PRDM15: variants seen among roughly 807,000 people sequenced by gnomAD.
PRDM15 encodes the protein PR domain zinc finger protein 15.
In PRDM15, 64 loss-of-function variants were observed where a neutral mutation model predicts 128.6. The observed-to-expected ratio is 0.50, with a 90% confidence interval of 0.41 to 0.61. The LOEUF is 0.61. Among genes scored for constraint, PRDM15 ranks in the 20% least tolerant of loss-of-function variants. PRDM15 has a pLI of 0.00. For missense variants in PRDM15, 1,242 were observed against 1,569.1 expected, an observed-to-expected ratio of 0.79 and a Z score of 3.52; for synonymous variants, 615 against 621.8, an observed-to-expected ratio of 0.99 and a Z score of 0.16.
intron 10 of PRDM15, 99 bp from the exon 11 acceptor site, chr21:41,835,623 G>T: frequency 2.3e-6 from 2 of 864,586 alleles, no homozygotes; most frequent in Non-Finnish European, 3.8e-6. Context: ...GCCTGTGTCT[G>T]TTATGACTCT....
chr21:41,859,760 A>C lies in PRDM15; in HGVS notation c.38-75T>G. 8.0e-7 allele frequency: 1 copy of C among 1,248,264 alleles called. No individual in the cohort carries two copies. The highest frequency in any genetic ancestry group is 1.2e-6 in the Non-Finnish European group (1 of 867,636). 77.3% of individuals were successfully genotyped at this position (1,248,264 alleles called of 1,614,324 possible). A position where few individuals can be genotyped will look rare whatever the true frequency, so the allele number is the denominator to read the frequency against. ...AAGAACACAAACCTGGGAAATGGGG[A>C]CCCTGGCCCCATGAGGGTGACCCAG... On this transcript the variant is annotated intron_variant, in intron 2 of 23. Coordinates refer to ENST00000398548, the MANE Select transcript of PRDM15 (RefSeq NM_001040424.3). The surrounding 1 kb of genome is among the most constrained non-coding windows in gnomAD (Gnocchi z 5.3).
rs1568880598 is a variant in PRDM15 at position 41,806,105 on chromosome 21, TCACCACCACCACCAC to T, written c.2653-1506_2653-1492del. 9.3e-4 allele frequency among the ~76,000 whole-genome samples: 5 copies of T among 5,390 alleles called. No homozygotes were observed. The Admixed American group carries it at 9.5e-3, about 10-fold the overall frequency. 3.5% of individuals were successfully genotyped at this position (5,390 alleles called of 152,430 possible). ...ACCACCACCACCATCACCACCACCA[TCACCACCACCACCAC>T]CACCATCACCACCACCATCACCACC... On this transcript the variant is annotated intron_variant, in intron 21 of 23. Transcript: ENST00000398548.
Position 41,800,030 on chromosome 21 carries a change from A to G in PRDM15, c.*1210T>C, listed in dbSNP as rs1381718314. The G allele has an allele frequency of 1.3e-5, 2 of 152,202 alleles. No homozygotes were observed. Among genetic ancestry groups the G allele is most frequent in the Non-Finnish European group, 2.9e-5 (2 of 68,036 alleles). 9.4% of individuals were successfully genotyped at this position (152,202 alleles called of 1,614,324 possible). On this transcript the variant is annotated 3_prime_UTR_variant, in exon 24 of 24. Transcript: ENST00000398548. ...GCACATTCAGTTTTAGGGGCAATTA[A>G]TGCTTCTATTAGTGAACTAACCTCT...
chr21:41,871,392 C>T, intron 1 of PRDM15: 1 of 1,045,510 alleles, frequency 9.6e-7, no homozygotes, highest in Non-Finnish European at 1.3e-6. Flanking sequence ...TGGGGTCACC[C>T]TCTCTGTCAC....
chr21:41,868,705 T>TTG (rs2064105736), intron 1 of PRDM15, among the ~76,000 whole-genome samples: 1 of 149,164 alleles, frequency 6.7e-6, no homozygotes, highest in Non-Finnish European at 1.5e-5. Flanking sequence ...TTTTTTTTTT[T>TTG]TTTTTGAGAT....
rs763864055 is a variant in PRDM15, at chr21:41,859,709, A to T, written c.38-24T>A. 6.2e-7 allele frequency: 1 copy of T among 1,602,250 alleles called. No homozygotes were observed. The highest frequency in any genetic ancestry group is 1.7e-5 in the Admixed American group (1 of 59,730). On this transcript the variant is annotated intron_variant, in intron 2 of 23. Coordinates refer to ENST00000398548, the MANE Select transcript of PRDM15 (RefSeq NM_001040424.3). The surrounding 1 kb of genome is among the most constrained non-coding windows in gnomAD (Gnocchi z 5.3). ...CCCTGCAAGCAGACATCCGGGCATT[A>T]GAGCACCCAGGGAGGGAGACACCTA...
Position 41,801,100 on chromosome 21 carries a change from A to G in PRDM15, c.*140T>C, listed in dbSNP as rs1601712348. 1 of 1,223,668 alleles carries G rather than the reference A, an allele frequency of 8.2e-7. No homozygotes were observed. Among genetic ancestry groups the G allele is most frequent in the Non-Finnish European group, 1.1e-6 (1 of 894,942 alleles). 75.8% of individuals were successfully genotyped at this position (1,223,668 alleles called of 1,614,324 possible). On this transcript the variant is annotated 3_prime_UTR_variant, in exon 24 of 24. Coordinates refer to ENST00000398548, the MANE Select transcript of PRDM15 (RefSeq NM_001040424.3). ...AGACCGTAATGGTTGCTGGCGGGGG[A>G]TCTGGAGATACTCTGCAAAGCTAAG... is the stretch of plus-strand genomic sequence containing the variant.
At chr21:41,858,207 G>C (rs2063697369) in intron 3 of PRDM15, among the ~76,000 whole-genome samples, 2 of 152,266 alleles carry the variant, frequency 1.3e-5, no homozygotes, top group Admixed American at 1.3e-4. Flanking sequence ...TGAAGTAGAA[G>C]AATGTCAAGG....
chr21:41,812,972 G>C (rs2146295811), intron 19 of PRDM15: 1 of 152,484 alleles, frequency 6.6e-6, no homozygotes, highest in African/African-American at 2.4e-5. Flanking sequence ...TCCACAGAGA[G>C]GGAGACAGGG....
chr21:41,802,413 G>A lies in PRDM15; in HGVS notation c.2943+299C>T, dbSNP rs547767448. The stretch of plus-strand genomic sequence containing the variant: ...ATAAGGGCACTTGGGTAGGCCACCC[G>A]TGACCTCCCCAAACTGCAAACAGCC... On this transcript the variant is annotated intron_variant, in intron 23 of 23. Transcript: ENST00000398548. 5.9e-5 allele frequency among the ~76,000 whole-genome samples: 9 copies of A among 152,300 alleles called. No homozygotes were observed. In the East Asian group the frequency reaches 1.5e-3, roughly 26 times the overall value.
intron 4 of PRDM15, among the ~76,000 whole-genome samples, chr21:41,856,622 A>G (rs951692334): frequency 2.6e-5 from 4 of 152,136 alleles, no homozygotes; most frequent in Non-Finnish European, 4.4e-5. Flanking sequence ...TTTTTTACTT[A>G]TTCTAAAGCC....
chr21:41,823,145 G>T (rs112527809), intron 14 of PRDM15, 173 bp downstream of exon 14: 4 of 824,920 alleles, frequency 4.8e-6, no homozygotes, highest in Admixed American at 4.1e-5. Context: ...AGTGAGCCTC[G>T]CCAGACACCG....
chr21:41,846,661 C>T (rs1180084232), intron 6 of PRDM15, among the ~76,000 whole-genome samples: 1 of 152,240 alleles, frequency 6.6e-6, no homozygotes, highest in Non-Finnish European at 1.5e-5. Flanking sequence ...CATGCCACTG[C>T]ACTCCAGCCT....
At chr21:41,819,904 G>A (rs2062190857) in intron 17 of PRDM15, 191 bp downstream of exon 17, 7 of 782,816 alleles carry the variant, frequency 8.9e-6, no homozygotes, top group Non-Finnish European at 1.4e-5. Context: ...CTGGAGGGGT[G>A]AGGGGGCTGG....
At position 41,810,078 on chromosome 21, in the gene PRDM15, G is replaced by A; in HGVS notation, c.2652+76C>T. 1 of 1,440,842 alleles carries A rather than the reference G, an allele frequency of 6.9e-7. No homozygotes were observed. The highest frequency in any genetic ancestry group is 9.5e-7 in the Non-Finnish European group (1 of 1,057,676). The allele number at this position is 1,440,842 out of a possible 1,614,324, so 89.3% of individuals were successfully genotyped here. On this transcript the variant is annotated intron_variant, in intron 21 of 23. Coordinates refer to ENST00000398548, the MANE Select transcript of PRDM15 (RefSeq NM_001040424.3). The surrounding 1 kb of genome is among the most constrained non-coding windows in gnomAD (Gnocchi z 6.4). ...TACTGGGGGTCTGCAGAGGGAGGTGGGCCATGTGCCAGCATGGGGGTGTCC... is the reference window on the plus strand; with the variant it reads ...TACTGGGGGTCTGCAGAGGGAGGTGAGCCATGTGCCAGCATGGGGGTGTCC...
chr21:41,844,028 C>A (rs2063155721), intron 6 of PRDM15, among the ~76,000 whole-genome samples: 1 of 151,118 alleles, frequency 6.6e-6, no homozygotes, highest in Admixed American at 6.6e-5. Flanking sequence ...AGTTACCCAA[C>A]TTGAAAGAAG....
Position 41,801,456 on chromosome 21 carries a change from C to A in PRDM15, c.3210G>T (p.Ser1070=), listed in dbSNP as rs77715313. 1 of 1,614,098 alleles carries A rather than the reference C, an allele frequency of 6.2e-7. No individual in the cohort carries two copies. Among genetic ancestry groups the A allele is most frequent in the Non-Finnish European group, 8.5e-7 (1 of 1,180,022 alleles). ...TGAAATGGGCCACAGACTGTGGGTTCGAGGCTTCCGGCTGGGGGTGGATCT... is the reference window on the plus strand; with the variant it reads ...TGAAATGGGCCACAGACTGTGGGTTAGAGGCTTCCGGCTGGGGGTGGATCT... ...DVQIHPQPEA[S]NPQSVAHFIN... Residue 1070 remains serine, a synonymous_variant, in exon 24 of 24, where the codon TCG becomes TCT. Transcript: ENST00000398548.
At chr21:41,814,930 T>C (rs1400653894) in intron 19 of PRDM15, 1 of 151,262 alleles carries the variant, frequency 6.6e-6, no homozygotes, top group Non-Finnish European at 1.5e-5. Flanking sequence ...CTTGGCCTTG[T>C]GTTAGTGATT....
rs1439780751 is a variant in PRDM15 at position 41,798,398 on chromosome 21, G to C, written c.*2842C>G. The C allele has an allele frequency of 6.6e-6, 1 of 152,278 alleles. No homozygotes were observed. The highest frequency in any genetic ancestry group is 1.5e-5 in the Non-Finnish European group (1 of 68,066). 9.4% of individuals were successfully genotyped at this position (152,278 alleles called of 1,614,324 possible). Reference sequence around the variant, plus strand: ...CTTCCGCCTTTGGATGCCACAAATGGGAACGATAGAGGTACAGGAGGTCTG... The same window carrying C: ...CTTCCGCCTTTGGATGCCACAAATGCGAACGATAGAGGTACAGGAGGTCTG... On this transcript the variant is annotated 3_prime_UTR_variant, in exon 24 of 24. Coordinates refer to ENST00000398548, the MANE Select transcript of PRDM15 (RefSeq NM_001040424.3).
Sources: allele counts gnomAD v4.1 joint callset (sites outside exome capture counted in the v4.1 genomes callset), GRCh38; gene constraint gnomAD v4.1.1; non-coding constraint Gnocchi (gnomAD v3.1); transcripts MANE v1.5; gene names NCBI Gene and HGNC (gene_info 2026-07-23, HGNC 2026-07-21).